Variants in HS1BP3 observed in about 807,000 individuals in gnomAD.
HS1BP3 encodes HCLS1 binding protein 3.
A neutral mutation model predicts 33.5 loss-of-function variants in HS1BP3; 32 were observed. The observed-to-expected ratio is 0.95, with a 90% CI of 0.72 to 1.28. The LOEUF (loss-of-function observed/expected upper bound fraction) is 1.28. HS1BP3 is among the 50% of genes most tolerant of loss of function. HS1BP3 has a pLI of 0.00. For synonymous variants in HS1BP3, 187 were observed against 209.2 expected (o/e 0.89, Z 0.92); for missense variants, 486 against 502.3 (o/e 0.97, Z 0.31).
In HS1BP3 at chr2:20,618,156, C is replaced by G. The variant is rs541182558; in HGVS notation, c.*831G>C. The G allele has an allele frequency of 6.6e-6, 1 of 152,280 alleles. No individual in the cohort carries two copies. The highest frequency in any genetic ancestry group is 1.5e-5 in the Non-Finnish European group (1 of 68,092). The allele number at this position is 152,280 out of a possible 1,614,324, so 9.4% of individuals were successfully genotyped here. ...CCCAGTTTGCTGAGAGCTGCAATGA[C>G]GAACATTGGCTCTGTGCCCAGAGGC... On this transcript the variant is annotated 3_prime_UTR_variant, in exon 7 of 7. Coordinates refer to ENST00000304031, the MANE Select transcript of HS1BP3 (RefSeq NM_022460.4).
intron 5 of HS1BP3, among the ~76,000 whole-genome samples, chr2:20,587,089 A>C (rs1407952366): frequency 6.6e-6 from 1 of 152,230 alleles, no homozygotes; most frequent in Non-Finnish European, 1.5e-5. Context: ...AATATTGAGA[A>C]ATTCAGACCA....
chr2:20,556,349 A>G (rs558072944), downstream of HS1BP3, among the ~76,000 whole-genome samples: 205 of 152,332 alleles, frequency 1.3e-3, no homozygotes, highest in African/African-American at 4.7e-3. Context: ...CAGCTTTGCA[A>G]AATGTGTCCT....
intron 5 of HS1BP3, among the ~76,000 whole-genome samples, chr2:20,569,781 G>A (rs1260415108): frequency 6.6e-6 from 1 of 152,200 alleles, no homozygotes; most frequent in Admixed American, 6.5e-5. Context: ...CAGGCTGTGG[G>A]CTAAGTTCTA....
intron 1 of HS1BP3, among the ~76,000 whole-genome samples, chr2:20,646,477 G>A (rs986391890): frequency 1.3e-5 from 2 of 152,238 alleles, no homozygotes; most frequent in Admixed American, 1.3e-4. Context: ...CCCACGCTAG[G>A]CCACGCTGTC....
rs751333236 is a variant in HS1BP3 at position 20,651,089 on chromosome 2, G to A, written c.-26C>T. On this transcript the variant is annotated 5_prime_UTR_variant, in exon 1 of 7. Transcript: ENST00000304031. ...GACGGCGGCGGGGACTCCGGGCGGG[G>A]CGCGCAGTCACGGGACCCGGCAGTG... 1.6e-6 allele frequency: 2 copies of A among 1,229,092 alleles called. No homozygotes were observed. Among genetic ancestry groups the A allele is most frequent in the South Asian group, 4.1e-5 (1 of 24,352 alleles). 76.1% of individuals were successfully genotyped at this position (1,229,092 alleles called of 1,614,324 possible).
chr2:20,617,544 C>T (rs1694456542), downstream of HS1BP3, among the ~76,000 whole-genome samples: 1 of 152,166 alleles, frequency 6.6e-6, no homozygotes, highest in Non-Finnish European at 1.5e-5. Flanking sequence ...ACAGAGCAGA[C>T]AGGTCCTGGC....
At chr2:20,625,258 G>A (rs1694743385) in intron 4 of HS1BP3, among the ~76,000 whole-genome samples, 1 of 152,268 alleles carries the variant, frequency 6.6e-6, no homozygotes, top group Admixed American at 6.5e-5. Context: ...AATGACCACT[G>A]TCAGGAGGAG....
At chr2:20,569,016 G>A (rs1333179684) in intron 5 of HS1BP3, among the ~76,000 whole-genome samples, 1 of 152,160 alleles carries the variant, frequency 6.6e-6, no homozygotes, top group Admixed American at 6.5e-5. Context: ...AGTACTGGTC[G>A]ACTTCGGGCA....
At chr2:20,641,720 TCAAGCAGG>T (rs1695356528) in intron 2 of HS1BP3, among the ~76,000 whole-genome samples, 1 of 151,944 alleles carries the variant, frequency 6.6e-6, no homozygotes, top group African/African-American at 2.4e-5. Context: ...GGCACCCGAG[TCAAGCAGG>T]CCAGGACTCT....
intron 5 of HS1BP3, among the ~76,000 whole-genome samples, chr2:20,579,934 C>T (rs1255266913): frequency 3.9e-5 from 6 of 152,254 alleles, no homozygotes; most frequent in African/African-American, 1.2e-4. Context: ...GTGATCTTTC[C>T]TTCCCACTTC....
chr2:20,611,437 C>T lies in HS1BP3; in HGVS notation c.178+12459G>A, dbSNP rs1558333877. 6.6e-6 allele frequency among the ~76,000 whole-genome samples: 1 copy of T among 152,202 alleles called. No individual in the cohort carries two copies. The highest frequency in any genetic ancestry group is 2.4e-5 in the African/African-American group (1 of 41,448). On this transcript the variant is annotated intron_variant, in intron 2 of 3. Transcript: ENST00000415264. This position sits in a 1 kb window ranked among gnomAD's most constrained non-coding sequence, Gnocchi z 4.9. Reference sequence around the variant, plus strand: ...GGGCCGCTGGGACTGCCAGAAACCTCTCTCCACTTGACCACATCGTGCGCA... The same window carrying T: ...GGGCCGCTGGGACTGCCAGAAACCTTTCTCCACTTGACCACATCGTGCGCA...
At chr2:20,648,076 C>T (rs542675157) in intron 1 of HS1BP3, among the ~76,000 whole-genome samples, 18 of 152,344 alleles carry the variant, frequency 1.2e-4, no homozygotes, top group South Asian at 4.1e-4. Flanking sequence ...ACCAGGGCAG[C>T]GGCTCCGAGG....
intron 2 of HS1BP3, among the ~76,000 whole-genome samples, chr2:20,605,288 C>G (rs1448684299): frequency 2.0e-5 from 3 of 152,162 alleles, no homozygotes; most frequent in Non-Finnish European, 4.4e-5. Flanking sequence ...TTGCTTCATG[C>G]CTTCCATCCT....
downstream of HS1BP3, among the ~76,000 whole-genome samples, chr2:20,556,178 G>A (rs571475464): frequency 6.6e-6 from 1 of 152,306 alleles, no homozygotes; most frequent in African/African-American, 2.4e-5. Context: ...ACTTTGGGCA[G>A]TTTCTATTGA....
At chr2:20,593,831 G>A (rs747171616) in intron 3 of HS1BP3, among the ~76,000 whole-genome samples, 19 of 152,288 alleles carry the variant, frequency 1.2e-4, no homozygotes, top group Admixed American at 8.5e-4. Context: ...TCCTTTTGAT[G>A]CACTCAAGCC....
chr2:20,574,302 G>A (rs1370430307), intron 5 of HS1BP3, among the ~76,000 whole-genome samples: 1 of 152,176 alleles, frequency 6.6e-6, no homozygotes, highest in Non-Finnish European at 1.5e-5. Context: ...TATCTAGCAA[G>A]GCGCTCTGGA....
rs939743128 is a variant in HS1BP3 at position 20,619,045 on chromosome 2, A to G, written c.1121T>C (p.Ile374Thr). Residue 374 changes from isoleucine (I) to threonine (T), a missense_variant, in exon 7 of 7, where the codon ATC (isoleucine) becomes ACC (threonine). Coordinates refer to ENST00000304031, the MANE Select transcript of HS1BP3 (RefSeq NM_022460.4). Reference sequence around the variant, plus strand: ...ATCGTGGTCCTGGATGTACTGCAAGATGTCCATCTCGTCCATGGCTTGGAT... The same window carrying G: ...ATCGTGGTCCTGGATGTACTGCAAGGTGTCCATCTCGTCCATGGCTTGGAT... ...EQIQAMDEMD[I>T]LQYIQDHDTP... 2 of 1,613,946 alleles carry G rather than the reference A, an allele frequency of 1.2e-6. No individual in the cohort carries two copies. Among genetic ancestry groups the G allele is most frequent in the Non-Finnish European group, 1.7e-6 (2 of 1,180,002 alleles).
intron 4 of HS1BP3, 121 bp downstream of exon 4, chr2:20,638,315 A>T: frequency 1.1e-6 from 1 of 922,468 alleles, no homozygotes. Context: ...CGTGGCCCAG[A>T]TCCCTGCGAG....
chr2:20,609,159 G>A lies in HS1BP3; in HGVS notation c.179-10894C>T, dbSNP rs1213745810. Among the ~76,000 whole-genome samples, 3 of 152,326 alleles carry A rather than the reference G, an allele frequency of 2.0e-5. No individual in the cohort carries two copies. In the East Asian group the frequency reaches 5.8e-4, roughly 29 times the overall value. ...CTCCACCCATGGGTAGCTGCAGGAT[G>A]AGCACCGTCCTTGGGGGCAGAGGCC... is the stretch of plus-strand genomic sequence containing the variant. On this transcript the variant is annotated intron_variant, in intron 2 of 3. Transcript: ENST00000415264.
Sources: gnomAD v4.1 joint callset for allele counts (sites outside exome capture counted in the v4.1 genomes callset) on GRCh38, gnomAD v4.1.1 for gene constraint, Gnocchi (gnomAD v3.1) non-coding constraint, MANE v1.5 for transcripts, NCBI Gene and HGNC (gene_info 2026-07-23, HGNC 2026-07-21) for gene names.